ANKRD39: variants seen among roughly 807,000 people sequenced by gnomAD.
ANKRD39 encodes ankyrin repeat domain-containing protein 39.
In ANKRD39, 18 loss-of-function variants were observed where a neutral mutation model predicts 20.3. The ratio of observed to expected loss-of-function variants is 0.89; its 90% CI spans 0.61 to 1.32. The LOEUF is 1.32. Among genes scored for constraint, ANKRD39 ranks in the 40% most tolerant of loss-of-function variants. The pLI is 0.00. For synonymous variants in ANKRD39, 106 were observed against 111.9 expected, an observed-to-expected ratio of 0.95 and a Z score of 0.33; for missense variants, 243 against 250.7, an observed-to-expected ratio of 0.97 and a Z score of 0.21.
In ANKRD39 at chr2:96,853,482, G is replaced by A. The variant is rs749706699; in HGVS notation, c.327C>T (p.His109=). 1 of 1,610,888 alleles carries A rather than the reference G, an allele frequency of 6.2e-7. No individual in the cohort carries two copies. Among genetic ancestry groups the A allele is most frequent in the South Asian group, 1.1e-5 (1 of 90,344 alleles). Residue 109 remains histidine (H), a synonymous_variant, in exon 3 of 4, where the codon CAC becomes CAT. Transcript: ENST00000393537. ...TALHRASYCG[H]TEIARLLLSH... is the part of the protein sequence containing the mutation. Reference sequence around the variant, plus strand: ...ATAGCAGGAGCCGCGCGATTTCAGTGTGCCCGCAGTAGCTGGCTCGGTGCA... The same window carrying A: ...ATAGCAGGAGCCGCGCGATTTCAGTATGCCCGCAGTAGCTGGCTCGGTGCA...
chr2:96,851,914 G>A (rs966308149), intron 3 of ANKRD39, among the ~76,000 whole-genome samples: 1 of 152,118 alleles, frequency 6.6e-6, no homozygotes, highest in African/African-American at 2.4e-5. Flanking sequence ...AAAATGGCTG[G>A]ATGTGGTAGC....
chr2:96,853,665 A>G, intron 2 of ANKRD39, 61 bp from the exon 3 acceptor site: 1 of 1,533,340 alleles, frequency 6.5e-7, no homozygotes, highest in Non-Finnish European at 8.9e-7. Context: ...AGGGTGGTAT[A>G]GAGGTGAGAG....
At chr2:96,849,576 G>C (rs1296165500) in intron 3 of ANKRD39, among the ~76,000 whole-genome samples, 1 of 152,144 alleles carries the variant, frequency 6.6e-6, no homozygotes, top group Admixed American at 6.5e-5. Context: ...CTTGAACCTG[G>C]GAGGCAGAGG....
At position 96,857,958 on chromosome 2, in the gene ANKRD39, C is replaced by A. The variant is rs758212205; in HGVS notation, c.30G>T (p.Gly10=). The part of the protein sequence containing the change: MATPRPCAD[G]PCCSHPSAVL... ...CCGCGCTGGGATGCGAGCAGCAGGG[C>A]CCGTCCGCGCAGGGCCGAGGCGTCG... is the stretch of plus-strand genomic sequence containing the variant. Residue 10 remains glycine, a synonymous_variant, in exon 1 of 4, where the codon GGG becomes GGT. Coordinates refer to ENST00000393537, the MANE Select transcript of ANKRD39 (RefSeq NM_016466.6). 5 of 1,567,342 alleles carry A rather than the reference C, an allele frequency of 3.2e-6. No homozygotes were observed. Among genetic ancestry groups the A allele is most frequent in the Admixed American group, 1.8e-5 (1 of 54,910 alleles).
In ANKRD39 at chr2:96,857,962, TCCGCGCA is replaced by T; in HGVS notation, c.19_25del (p.Cys7ThrfsTer32). On this transcript the variant is annotated frameshift_variant, in exon 1 of 4. Coordinates refer to ENST00000393537, the MANE Select transcript of ANKRD39 (RefSeq NM_016466.6). LOFTEE classifies it high-confidence loss of function. ...GCTGGGATGCGAGCAGCAGGGCCCGTCCGCGCAGGGCCGAGGCGTCGCCATCCCGGCC... is the reference window on the plus strand; with the variant it reads ...GCTGGGATGCGAGCAGCAGGGCCCGTGGGCCGAGGCGTCGCCATCCCGGCC... The T allele has an allele frequency of 6.4e-7, 1 of 1,564,176 alleles. No homozygotes were observed. Among genetic ancestry groups the T allele is most frequent in the East Asian group, 2.3e-5 (1 of 42,924 alleles).
chr2:96,855,594 G>A (rs2079858587), intron 1 of ANKRD39, among the ~76,000 whole-genome samples: 1 of 151,900 alleles, frequency 6.6e-6, no homozygotes, highest in South Asian at 2.1e-4. Flanking sequence ...TTGGTGGCAC[G>A]CGCCTGTAGT....
chr2:96,854,458 A>G lies in ANKRD39; in HGVS notation c.101-17T>C. Reference sequence around the variant, plus strand: ...ACCAGATTCCTGCAGAAAGGCAACCAAAGGACTGAATGATGCTGAATGGGA... The same window carrying G: ...ACCAGATTCCTGCAGAAAGGCAACCGAAGGACTGAATGATGCTGAATGGGA... On this transcript the variant is annotated splice_polypyrimidine_tract_variant and intron_variant, in intron 1 of 3. Transcript: ENST00000393537. 2 of 1,612,816 alleles carry G rather than the reference A, an allele frequency of 1.2e-6. No homozygotes were observed. The highest frequency in any genetic ancestry group is 4.5e-5 in the East Asian group (2 of 44,866).
At chr2:96,857,751 G>A (rs944789626) in intron 1 of ANKRD39, 137 bp downstream of exon 1, 11 of 925,760 alleles carry the variant, frequency 1.2e-5, no homozygotes, top group East Asian at 9.1e-5. Context: ...CGTGGGTCCC[G>A]CCCGCCTTCC....
intron 3 of ANKRD39, among the ~76,000 whole-genome samples, chr2:96,848,898 CT>C (rs2079823547): frequency 6.6e-6 from 1 of 152,188 alleles, no homozygotes; most frequent in Non-Finnish European, 1.5e-5. Context: ...ATCCCAGTGA[CT>C]TTATTCTGAT....
chr2:96,854,567 G>A (rs903651608), intron 1 of ANKRD39, 126 bp from the exon 2 acceptor site: 15 of 880,628 alleles, frequency 1.7e-5, no homozygotes, highest in Admixed American at 4.5e-5. Context: ...AATATCAACC[G>A]AGCACCTCCT....
chr2:96,848,936 G>A (rs530065708), intron 3 of ANKRD39, among the ~76,000 whole-genome samples: 9 of 152,024 alleles, frequency 5.9e-5, no homozygotes, highest in African/African-American at 1.9e-4. Context: ...TGCCATTCTC[G>A]CAGTTAGCTT....
intron 3 of ANKRD39, among the ~76,000 whole-genome samples, chr2:96,852,297 A>C (rs2079841570): frequency 6.6e-6 from 1 of 150,652 alleles, no homozygotes; most frequent in African/African-American, 2.5e-5. Context: ...TGAGGTGGGA[A>C]GATCACTCAA....
At position 96,853,596 on chromosome 2, in the gene ANKRD39, G is replaced by A. The variant is rs2079849225; in HGVS notation, c.213C>T (p.Ala71=). The A allele has an allele frequency of 1.2e-6, 2 of 1,611,708 alleles. No individual in the cohort carries two copies. Among genetic ancestry groups the A allele is most frequent in the Admixed American group, 1.7e-5 (1 of 59,972 alleles). The part of the protein sequence containing the change: ...DSAGYTALHY[A]SRNGHYAVCQ... ...ACACAGCGTAGTGCCCATTGCGGCTGGCATAGTGCTGCAGGGAACAGAGAC... is the reference window on the plus strand; with the variant it reads ...ACACAGCGTAGTGCCCATTGCGGCTAGCATAGTGCTGCAGGGAACAGAGAC... The change falls in exon 3 of 4, where the codon GCC becomes GCT. Residue 71 remains alanine (A), a synonymous_variant. Coordinates refer to ENST00000393537, the MANE Select transcript of ANKRD39 (RefSeq NM_016466.6).
rs776382738 is a variant in ANKRD39, at chr2:96,853,524, G to A, written c.285C>T (p.His95=). The change falls in exon 3 of 4, where the codon CAC becomes CAT. Residue 95 remains histidine (H), a synonymous_variant. Transcript: ENST00000393537. ...CTCGGTGCAGAGCAGTGGCACCCCCGTGGGTCTGGGCATCACACTTAGCTC... is the reference window on the plus strand; with the variant it reads ...CTCGGTGCAGAGCAGTGGCACCCCCATGGGTCTGGGCATCACACTTAGCTC... ...ESGAKCDAQT[H]GGATALHRAS... 1.3e-5 allele frequency: 21 copies of A among 1,613,208 alleles called. No individual in the cohort carries two copies. Among genetic ancestry groups the A allele is most frequent in the African/African-American group, 4.0e-5 (3 of 74,912 alleles).
At chr2:96,851,172 T>C (rs1236741725) in intron 3 of ANKRD39, among the ~76,000 whole-genome samples, 1 of 151,946 alleles carries the variant, frequency 6.6e-6, no homozygotes, top group African/African-American at 2.4e-5. Flanking sequence ...GTTTTTTTTT[T>C]TGAGACAGAG....
rs1399102766 is a variant in ANKRD39 at position 96,857,947 on chromosome 2, G to T, written c.41C>A (p.Ser14Ter). 4 of 1,577,498 alleles carry T rather than the reference G, an allele frequency of 2.5e-6. No individual in the cohort carries two copies. The highest frequency in any genetic ancestry group is 1.1e-5 in the South Asian group (1 of 87,140). The change falls in exon 1 of 4, where the codon TCG becomes TAG. Residue 14 changes from serine (S) to a stop codon, truncating the protein, a stop_gained. Coordinates refer to ENST00000393537, the MANE Select transcript of ANKRD39 (RefSeq NM_016466.6). LOFTEE classifies it high-confidence loss of function. ...PRPCADGPCC[S>*]HPSAVLGVQQ... ...TACGCCGAGCACCGCGCTGGGATGC[G>T]AGCAGCAGGGCCCGTCCGCGCAGGG...
chr2:96,848,406 G>A lies in ANKRD39; in HGVS notation c.447C>T (p.Leu149=). The change falls in exon 4 of 4, where the codon CTC becomes CTT. Residue 149 remains leucine (L), a synonymous_variant. Transcript: ENST00000393537. ...CCTTCAGGGCTGGGCTGTGTTGCAG[G>A]AGGAGGGAGCAGATGTCCCCGTGAC... is the stretch of plus-strand genomic sequence containing the variant. ...ERGHGDICSL[L]LQHSPALKAI... 1.2e-6 allele frequency: 2 copies of A among 1,614,200 alleles called. No individual in the cohort carries two copies. The highest frequency in any genetic ancestry group is 4.5e-5 in the East Asian group (2 of 44,886).
chr2:96,853,702 G>A, intron 2 of ANKRD39, 98 bp from the exon 3 acceptor site: 1 of 1,234,664 alleles, frequency 8.1e-7, no homozygotes, highest in Non-Finnish European at 1.1e-6. Flanking sequence ...CGAGGGGCCT[G>A]GAATCATCTC....
intron 3 of ANKRD39, among the ~76,000 whole-genome samples, chr2:96,852,104 G>C (rs977109831): frequency 3.9e-5 from 6 of 152,184 alleles, no homozygotes; most frequent in African/African-American, 1.4e-4. Context: ...CCAGCTACTT[G>C]GGAGGCTGAG....
Sources: allele counts gnomAD v4.1 joint callset (sites outside exome capture counted in the v4.1 genomes callset), GRCh38; gene constraint gnomAD v4.1.1; transcripts MANE v1.5; gene names NCBI Gene and HGNC (gene_info 2026-07-23, HGNC 2026-07-21).